EML6: variants seen among roughly 807,000 people sequenced by gnomAD.
EML6 encodes the protein echinoderm microtubule-associated protein-like 6.
Under a neutral mutation model 240.1 loss-of-function variants are expected in EML6, and 154 were observed. The ratio of observed to expected loss-of-function variants is 0.64; its 90% CI spans 0.56 to 0.73. The LOEUF is 0.73. Among genes scored for constraint, EML6 ranks in the 30% least tolerant of loss-of-function variants. The pLI, the probability that EML6 is intolerant of heterozygous loss-of-function variation, is 0.00. For synonymous variants in EML6, 1,148 were observed against 899.0 expected, an observed-to-expected ratio of 1.28 and a Z score of -4.95; for missense variants, 2,964 against 2,474.6, an observed-to-expected ratio of 1.20 and a Z score of -4.20.
chr2:54,952,755 T>TATTG, intron 31 of EML6, 63 bp downstream of exon 31: 1 of 1,134,628 alleles, frequency 8.8e-7, no homozygotes, highest in East Asian at 2.6e-5. Context: ...TGTCAGCAAT[T>TATTG]ATTGGGAGAG....
intron 28 of EML6, among the ~76,000 whole-genome samples, chr2:54,934,455 T>G (rs992130152): frequency 7.9e-5 from 12 of 152,058 alleles, no homozygotes; most frequent in African/African-American, 2.4e-4. Flanking sequence ...AGACCCACAT[T>G]TCAGGTCAAT....
intron 2 of EML6, among the ~76,000 whole-genome samples, chr2:54,756,369 C>T (rs1667732306): frequency 6.6e-6 from 1 of 152,198 alleles, no homozygotes; most frequent in Non-Finnish European, 1.5e-5. Flanking sequence ...ATAAAATTCA[C>T]TTTGTCCAAC....
intron 28 of EML6, among the ~76,000 whole-genome samples, chr2:54,938,981 G>A (rs1327840690): frequency 6.6e-6 from 1 of 152,142 alleles, no homozygotes; most frequent in Admixed American, 6.5e-5. Flanking sequence ...TCCCAAGTAG[G>A]TTGTCAACTC....
At chr2:54,839,328 C>T (rs1669320448) in intron 7 of EML6, among the ~76,000 whole-genome samples, 1 of 152,210 alleles carries the variant, frequency 6.6e-6, no homozygotes. Flanking sequence ...TTTTGACACA[C>T]TGATGTCTTC....
At chr2:54,903,330 T>C in intron 23 of EML6, 41 bp from the exon 24 acceptor site, 1 of 1,543,148 alleles carries the variant, frequency 6.5e-7, no homozygotes, top group Non-Finnish European at 8.8e-7. Flanking sequence ...TAAATTCCTA[T>C]ATAAAATGCT....
chr2:54,804,210 G>T (rs1483580949), intron 2 of EML6, among the ~76,000 whole-genome samples: 1 of 152,190 alleles, frequency 6.6e-6, no homozygotes. Context: ...CTTCTCTAAA[G>T]TATTTAATCA....
At chr2:54,796,246 T>C in intron 2 of EML6, among the ~76,000 whole-genome samples, 1 of 152,232 alleles carries the variant, frequency 6.6e-6, no homozygotes, top group Non-Finnish European at 1.5e-5. Flanking sequence ...GGAATAAGTC[T>C]GATTAATGGC....
At position 54,774,029 on chromosome 2, in the gene EML6, A is replaced by T. The variant is rs1415886654; in HGVS notation, c.198-39203A>T. ...TCATGTCTGCATTCCAGCCAGCAGGAGGAGAAAGAGGGGCACTGCTAAGAA... is the reference window on the plus strand; with the variant it reads ...TCATGTCTGCATTCCAGCCAGCAGGTGGAGAAAGAGGGGCACTGCTAAGAA... On this transcript the variant is annotated intron_variant, in intron 2 of 41. Coordinates refer to ENST00000356458, the MANE Select transcript of EML6 (RefSeq NM_001039753.4). The surrounding 1 kb of genome is among the most constrained non-coding windows in gnomAD (Gnocchi z 4.1). Among the ~76,000 whole-genome samples, 1 of 152,154 alleles carries T rather than the reference A, an allele frequency of 6.6e-6. No individual in the cohort carries two copies. Among genetic ancestry groups the T allele is most frequent in the African/African-American group, 2.4e-5 (1 of 41,418 alleles).
At chr2:54,871,636 T>A (rs1320678354) in intron 16 of EML6, 31 bp downstream of exon 16, 1 of 1,450,190 alleles carries the variant, frequency 6.9e-7, no homozygotes. Context: ...CACATGGTTC[T>A]ACGTTGAGAG....
At chr2:54,857,949 A>G (rs916800188) in intron 11 of EML6, among the ~76,000 whole-genome samples, 1 of 152,248 alleles carries the variant, frequency 6.6e-6, no homozygotes, top group African/African-American at 2.4e-5. Context: ...TACAAAGGCT[A>G]TATTAATTAT....
At chr2:54,798,587 A>G (rs1414582586) in intron 2 of EML6, among the ~76,000 whole-genome samples, 1 of 152,164 alleles carries the variant, frequency 6.6e-6, no homozygotes, top group Non-Finnish European at 1.5e-5. Flanking sequence ...TTTCCAAAAT[A>G]TTGCTACCGG....
intron 17 of EML6, among the ~76,000 whole-genome samples, chr2:54,883,716 A>C (rs1165493292): frequency 6.6e-6 from 1 of 152,174 alleles, no homozygotes; most frequent in Admixed American, 6.5e-5. Context: ...GCTTACACAT[A>C]CACACATGCA....
chr2:54,967,334 A>T (rs1350865073), intron 39 of EML6: 2 of 307,836 alleles, frequency 6.5e-6, no homozygotes, highest in East Asian at 1.3e-4. Flanking sequence ...AATTTCTTCT[A>T]CAAGTCTCCA....
chr2:54,852,863 C>G (rs781246636), intron 10 of EML6, among the ~76,000 whole-genome samples: 5 of 152,124 alleles, frequency 3.3e-5, no homozygotes, highest in Admixed American at 6.5e-5. Context: ...TAAACACTTT[C>G]CCAAATGTAT....
intron 15 of EML6, 49 bp from the exon 16 acceptor site, chr2:54,871,451 T>A: frequency 1.4e-6 from 2 of 1,394,318 alleles, no homozygotes; most frequent in Non-Finnish European, 2.0e-6. Context: ...ACAAAATCAT[T>A]GTTAGTATAA....
chr2:54,945,265 C>A (rs1675635284), intron 28 of EML6, among the ~76,000 whole-genome samples: 1 of 55,816 alleles, frequency 1.8e-5, no homozygotes, highest in Non-Finnish European at 4.2e-5. Flanking sequence ...CCTCCCCCTT[C>A]TCTCTCCCCT....
At chr2:54,969,777 G>T (rs1462433990) in intron 41 of EML6, among the ~76,000 whole-genome samples, 1 of 152,194 alleles carries the variant, frequency 6.6e-6, no homozygotes, top group Non-Finnish European at 1.5e-5. Context: ...CTTTTCAATA[G>T]TAACAGGAGA....
At chr2:54,967,612 G>A (rs1182229400) in intron 39 of EML6, among the ~76,000 whole-genome samples, 1 of 152,134 alleles carries the variant, frequency 6.6e-6, no homozygotes, top group East Asian at 1.9e-4. Context: ...TGTGTTTTTG[G>A]AGTGTAGGGA....
At chr2:54,729,380 T>G (rs901968799) in intron 2 of EML6, among the ~76,000 whole-genome samples, 3 of 152,254 alleles carry the variant, frequency 2.0e-5, no homozygotes, top group Admixed American at 2.0e-4. Flanking sequence ...CATTCTGTTT[T>G]CATTTGTAAG....
Sources: allele counts gnomAD v4.1 joint callset (sites outside exome capture counted in the v4.1 genomes callset), GRCh38; gene constraint gnomAD v4.1.1; non-coding constraint Gnocchi (gnomAD v3.1); transcripts MANE v1.5; gene names NCBI Gene and HGNC (gene_info 2026-07-23, HGNC 2026-07-21).